Variants in KANSL1L observed in about 807,000 individuals in gnomAD.
KANSL1L encodes the protein KAT8 regulatory NSL complex subunit 1 like.
In KANSL1L, 25 loss-of-function variants were observed where a neutral mutation model predicts 108.6. That is an observed-to-expected ratio of 0.23 (90% CI 0.17 to 0.32). KANSL1L has a LOEUF of 0.32. Ranked by LOEUF, KANSL1L falls within the 10% of genes least tolerant of loss-of-function variation. The pLI, the probability that KANSL1L is intolerant of heterozygous loss-of-function variation, is 1.00. For missense variants in KANSL1L, 1,137 were observed against 1,125.7 expected, an observed-to-expected ratio of 1.01 and a Z score of -0.14; for synonymous variants, 405 against 395.1, an observed-to-expected ratio of 1.03 and a Z score of -0.30.
At chr2:210,141,422 T>C (rs1019618507) in intron 2 of KANSL1L, among the ~76,000 whole-genome samples, 3 of 152,030 alleles carry the variant, frequency 2.0e-5, no homozygotes, top group Non-Finnish European at 4.4e-5. Context: ...ACCTTTATCA[T>C]GAGATTAATA....
At chr2:210,140,732 T>C (rs1460837181) in intron 2 of KANSL1L, among the ~76,000 whole-genome samples, 1 of 152,192 alleles carries the variant, frequency 6.6e-6, no homozygotes, top group Non-Finnish European at 1.5e-5. Flanking sequence ...AATTTGTAGA[T>C]TGCTTTGGGT....
At chr2:210,052,095 C>A (rs942769650) in intron 6 of KANSL1L, among the ~76,000 whole-genome samples, 1 of 150,920 alleles carries the variant, frequency 6.6e-6, no homozygotes, top group Non-Finnish European at 1.5e-5. Flanking sequence ...GCCTCTACTG[C>A]CTGGCTCAAG....
At chr2:210,075,507 G>T in intron 6 of KANSL1L, 45 bp downstream of exon 6, 2 of 1,258,038 alleles carry the variant, frequency 1.6e-6, no homozygotes, top group Non-Finnish European at 2.3e-6. Context: ...GAAATATGCT[G>T]ATGGTGAATC....
At chr2:210,164,640 G>A (rs1257610823) in intron 1 of KANSL1L, among the ~76,000 whole-genome samples, 1 of 151,488 alleles carries the variant, frequency 6.6e-6, no homozygotes, top group Non-Finnish European at 1.5e-5. Flanking sequence ...GAAGAAAACT[G>A]GAAAAAAGAA....
chr2:210,097,134 G>A (rs1322692462), intron 5 of KANSL1L: 7 of 383,576 alleles, frequency 1.8e-5, no homozygotes, highest in Non-Finnish European at 2.5e-5. Context: ...TAGTAGAGAC[G>A]GGGTTTCTCC....
intron 5 of KANSL1L, among the ~76,000 whole-genome samples, chr2:210,089,665 T>C (rs933768755): frequency 2.0e-5 from 3 of 151,848 alleles, no homozygotes; most frequent in Admixed American, 6.6e-5. Context: ...AACACTACAA[T>C]TGATTAAAAA....
chr2:210,040,388 T>C (rs1294429827), intron 8 of KANSL1L, 32 bp downstream of exon 8: 1 of 965,452 alleles, frequency 1.0e-6, no homozygotes, highest in South Asian at 1.3e-5. Flanking sequence ...TAAAAAGGCA[T>C]ATAGAGTACA....
intron 6 of KANSL1L, among the ~76,000 whole-genome samples, chr2:210,047,286 T>A (rs1433490064): frequency 6.6e-6 from 1 of 152,236 alleles, no homozygotes; most frequent in East Asian, 1.9e-4. Flanking sequence ...TCTTTTTGAT[T>A]AACAGTTCCT....
At chr2:210,118,391 C>T (rs1157253075) in intron 3 of KANSL1L, among the ~76,000 whole-genome samples, 13 of 143,666 alleles carry the variant, frequency 9.0e-5, no homozygotes, top group Admixed American at 7.3e-4. Flanking sequence ...TTGCTTGAAT[C>T]GGGAGGTGGA....
At chr2:210,054,494 T>C (rs1020660867) in intron 6 of KANSL1L, among the ~76,000 whole-genome samples, 22 of 152,010 alleles carry the variant, frequency 1.4e-4, no homozygotes, top group Non-Finnish European at 1.9e-4. Flanking sequence ...TTGAGGGCAA[T>C]TTGGCAAAAA....
rs760640944 is a variant in KANSL1L, at chr2:210,023,184, AAG to A, written c.2734-7_2734-6del. ...CCGTCGTTCCCACCACAAAGACTGA[AAG>A]GGGAAAAATTTTCAGTTAAGTTTCA... On this transcript the variant is annotated splice_region_variant and splice_polypyrimidine_tract_variant and intron_variant, in intron 14 of 14. Coordinates refer to ENST00000281772, the MANE Select transcript of KANSL1L (RefSeq NM_152519.4). The A allele has an allele frequency of 2.2e-5, 35 of 1,611,036 alleles. No homozygotes were observed. The highest frequency in any genetic ancestry group is 2.0e-4 in the East Asian group (9 of 44,860).
Position 210,022,981 on chromosome 2 carries a change from G to A in KANSL1L, c.2932C>T (p.Leu978=). The change falls in exon 15 of 15, where the codon CTA becomes TTA. Residue 978 remains leucine, a synonymous_variant. Transcript: ENST00000281772. ...TTTTTTTTAACATTAGTAAGTCCTA[G>A]ACCAAAGGTTTTGTATTCTTCCATT... ...DGMEEYKTFG[L]GLTNVKKNR 3 of 1,613,560 alleles carry A rather than the reference G, an allele frequency of 1.9e-6. No individual in the cohort carries two copies. In the South Asian group the frequency reaches 3.3e-5, roughly 18 times the overall value.
At chr2:210,027,224 C>A in intron 12 of KANSL1L, 72 bp downstream of exon 12, 1 of 995,086 alleles carries the variant, frequency 1.0e-6, no homozygotes, top group Non-Finnish European at 1.6e-6. Context: ...CCTTTAGTTC[C>A]CTGAATGTCA....
intron 2 of KANSL1L, among the ~76,000 whole-genome samples, chr2:210,131,379 T>C (rs1232296178): frequency 3.9e-5 from 6 of 152,178 alleles, no homozygotes; most frequent in African/African-American, 1.2e-4. Context: ...AAGTATGGCA[T>C]AGAAGTGAGC....
rs538471161 is a variant in KANSL1L, at chr2:210,035,544, A to G, written c.2030-3998T>C. ...ACCCAGGCTGGAGTGCAGTGGCGCC[A>G]TTTCGGCTCACTACACGTCTGCCTC... On this transcript the variant is annotated intron_variant, in intron 8 of 14. Transcript: ENST00000281772. Among the ~76,000 whole-genome samples the G allele has an allele frequency of 3.9e-4, 60 of 152,328 alleles. 1 individual carries two copies. In the South Asian group the frequency reaches 0.012, roughly 31 times the overall value.
upstream of KANSL1L, among the ~76,000 whole-genome samples, chr2:210,172,108 G>A (rs1436010147): frequency 6.6e-6 from 1 of 152,088 alleles, no homozygotes; most frequent in Non-Finnish European, 1.5e-5. Flanking sequence ...CGGAGTTTAT[G>A]TGGAGATAGT....
intron 1 of KANSL1L, among the ~76,000 whole-genome samples, chr2:210,166,719 T>C (rs1029096720): frequency 6.6e-6 from 1 of 152,036 alleles, no homozygotes; most frequent in Non-Finnish European, 1.5e-5. Flanking sequence ...AGGAAAACAT[T>C]ATCAGAAAGA....
chr2:210,048,938 C>CA (rs1356275859), intron 6 of KANSL1L, among the ~76,000 whole-genome samples: 2 of 152,096 alleles, frequency 1.3e-5, no homozygotes, highest in African/African-American at 4.8e-5. Flanking sequence ...TTTCAAACTT[C>CA]AAAAATAAAA....
chr2:210,050,262 A>T (rs1293334156), intron 6 of KANSL1L, among the ~76,000 whole-genome samples: 1 of 152,192 alleles, frequency 6.6e-6, no homozygotes, highest in Non-Finnish European at 1.5e-5. Context: ...AAGAACAAAA[A>T]ACATGGGAGA....
Sources: gnomAD v4.1 joint callset for allele counts (sites outside exome capture counted in the v4.1 genomes callset) on GRCh38, gnomAD v4.1.1 for gene constraint, MANE v1.5 for transcripts, NCBI Gene and HGNC (gene_info 2026-07-23, HGNC 2026-07-21) for gene names.